Variants in GPC6 observed in about 807,000 individuals in gnomAD.
GPC6 encodes glypican-6.
GPC6 carries 14 observed loss-of-function variants against 55.2 expected under a neutral mutation model. The ratio of observed to expected loss-of-function variants is 0.25; its 90% CI spans 0.17 to 0.40. The LOEUF (loss-of-function observed/expected upper bound fraction) is 0.40, where lower values mean the gene tolerates loss of function less well. Ranked by LOEUF, GPC6 falls within the 10% of genes least tolerant of loss-of-function variation. GPC6 has a pLI of 1.00. For synonymous variants in GPC6, 278 were observed against 259.6 expected (o/e 1.07, Z -0.68); for missense variants, 641 against 708.5 (o/e 0.90, Z 1.08).
In GPC6 at chr13:93,227,142, A is replaced by C; in HGVS notation, c.-315A>C. On this transcript the variant is annotated 5_prime_UTR_variant, in exon 1 of 9. It removes an upstream start codon present in the reference 5' UTR. Transcript: ENST00000377047. This position sits in a 1 kb window ranked among gnomAD's most constrained non-coding sequence, Gnocchi z 4.3. Reference sequence around the variant, plus strand: ...ACTCGGATTGCAGCTCTGAACCCCCATGGTGGTTTTTTAAACACTTCTTTT... The same window carrying C: ...ACTCGGATTGCAGCTCTGAACCCCCCTGGTGGTTTTTTAAACACTTCTTTT... 4.6e-6 allele frequency: 1 copy of C among 218,622 alleles called. No homozygotes were observed. Among genetic ancestry groups the C allele is most frequent in the African/African-American group, 2.3e-5 (1 of 43,916 alleles). 13.5% of individuals were successfully genotyped at this position (218,622 alleles called of 1,614,324 possible).
intron 6 of GPC6, among the ~76,000 whole-genome samples, chr13:94,346,114 A>G (rs950926237): frequency 2.0e-5 from 3 of 152,192 alleles, no homozygotes; most frequent in African/African-American, 7.2e-5. Flanking sequence ...TAAGGACACC[A>G]GTCATATTGG....
intron 1 of GPC6, among the ~76,000 whole-genome samples, chr13:93,280,373 T>C (rs1041757154): frequency 2.3e-4 from 35 of 152,316 alleles, no homozygotes; most frequent in African/African-American, 8.2e-4. Context: ...AGCCAAATAA[T>C]GTACCTGGTC....
At chr13:93,802,170 T>C (rs1485309364) in intron 2 of GPC6, among the ~76,000 whole-genome samples, 1 of 152,150 alleles carries the variant, frequency 6.6e-6, no homozygotes. Flanking sequence ...GGACATACTT[T>C]TATCATTATA....
chr13:93,918,786 CTA>C (rs1376488249), intron 3 of GPC6, among the ~76,000 whole-genome samples: 2 of 152,220 alleles, frequency 1.3e-5, no homozygotes, highest in Non-Finnish European at 2.9e-5. Flanking sequence ...CCACACATAT[CTA>C]TTTCAAGATC....
chr13:93,726,650 AC>A (rs1883655602), intron 2 of GPC6, among the ~76,000 whole-genome samples: 1 of 151,678 alleles, frequency 6.6e-6, no homozygotes, highest in Non-Finnish European at 1.5e-5. Context: ...CTGTCCTCCC[AC>A]CTTTTTGAGG....
intron 4 of GPC6, among the ~76,000 whole-genome samples, chr13:94,266,157 T>TG (rs1190931727): frequency 7.3e-5 from 10 of 137,894 alleles, no homozygotes; most frequent in South Asian, 4.7e-4. Context: ...TTTTCTTTTT[T>TG]TTTTTTGTTT....
chr13:93,279,164 C>T (rs1300937923), intron 1 of GPC6, among the ~76,000 whole-genome samples: 1 of 152,186 alleles, frequency 6.6e-6, no homozygotes, highest in African/African-American at 2.4e-5. Flanking sequence ...CTTGAGTGTG[C>T]ATCAGAATCA....
intron 1 of GPC6, among the ~76,000 whole-genome samples, chr13:93,357,714 G>C (rs2139172954): frequency 1.3e-5 from 2 of 152,260 alleles, no homozygotes; most frequent in East Asian, 3.9e-4. Context: ...GTGTGCCTGT[G>C]GTCCCAGCTA....
chr13:93,978,829 T>TA (rs1159737061), intron 3 of GPC6, among the ~76,000 whole-genome samples: 1 of 152,172 alleles, frequency 6.6e-6, no homozygotes. Context: ...TTCTACATAT[T>TA]ACTGACTCCC....
At chr13:93,966,942 A>C (rs9524289) in intron 3 of GPC6, among the ~76,000 whole-genome samples, 4,549 of 152,220 alleles carry the variant, frequency 0.03, 110 homozygotes, top group Non-Finnish European at 0.044. Context: ...GGCATGAGCC[A>C]CTGCACCCGA....
intron 3 of GPC6, among the ~76,000 whole-genome samples, chr13:93,945,580 G>T (rs1210119221): frequency 6.6e-6 from 1 of 152,074 alleles, no homozygotes; most frequent in Non-Finnish European, 1.5e-5. Context: ...GTTGCAAACA[G>T]AGACAACAAA....
chr13:93,738,443 A>T (rs1884077535), intron 2 of GPC6, among the ~76,000 whole-genome samples: 1 of 152,144 alleles, frequency 6.6e-6, no homozygotes, highest in African/African-American at 2.4e-5. Context: ...TTAGTTTCCC[A>T]TAGCTTCTAA....
chr13:93,235,508 GGAA>G (rs746897386), intron 1 of GPC6, among the ~76,000 whole-genome samples: 6 of 152,078 alleles, frequency 3.9e-5, no homozygotes, highest in Non-Finnish European at 7.3e-5. Context: ...CCCTGGGGAG[GGAA>G]GAAGGACAGC....
At chr13:93,319,718 A>G (rs1438207511) in intron 1 of GPC6, among the ~76,000 whole-genome samples, 1 of 152,204 alleles carries the variant, frequency 6.6e-6, no homozygotes, top group Non-Finnish European at 1.5e-5. Context: ...GTGCTTCCAC[A>G]TGCTGAGTGC....
chr13:93,791,589 T>C (rs1886036585), intron 2 of GPC6, among the ~76,000 whole-genome samples: 1 of 152,198 alleles, frequency 6.6e-6, no homozygotes, highest in Admixed American at 6.5e-5. Flanking sequence ...TGCACAGGCC[T>C]CGTTGTTTTT....
intron 1 of GPC6, among the ~76,000 whole-genome samples, chr13:93,500,157 C>A (rs1002187994): frequency 2.6e-5 from 4 of 152,142 alleles, no homozygotes; most frequent in African/African-American, 9.7e-5. Context: ...ATGCTGTAAG[C>A]AATTCCAGGT....
intron 1 of GPC6, among the ~76,000 whole-genome samples, chr13:93,400,839 G>A (rs1876044043): frequency 6.6e-6 from 1 of 152,160 alleles, no homozygotes; most frequent in Non-Finnish European, 1.5e-5. Context: ...GGGGTTTGAT[G>A]CAGAGCTGGG....
intron 1 of GPC6, among the ~76,000 whole-genome samples, chr13:93,329,730 G>C (rs146842377): frequency 2.6e-5 from 4 of 151,944 alleles, no homozygotes; most frequent in Admixed American, 6.6e-5. Flanking sequence ...CACCGCAAGC[G>C]TAAGTGGAAA....
chr13:93,441,966 C>T (rs1419019072), intron 1 of GPC6, among the ~76,000 whole-genome samples: 3 of 152,246 alleles, frequency 2.0e-5, no homozygotes, highest in Non-Finnish European at 4.4e-5. Flanking sequence ...TCCAGGACAG[C>T]TAGCTGGGGA....
Sources: gnomAD v4.1 joint callset for allele counts (sites outside exome capture counted in the v4.1 genomes callset) on GRCh38, gnomAD v4.1.1 for gene constraint, Gnocchi (gnomAD v3.1) non-coding constraint, MANE v1.5 for transcripts, NCBI Gene and HGNC (gene_info 2026-07-23, HGNC 2026-07-21) for gene names.